NRG4: variants seen among roughly 807,000 people sequenced by gnomAD.
NRG4 encodes the protein pro-neuregulin-4, membrane-bound isoform.
A neutral mutation model predicts 15.0 loss-of-function variants in NRG4; 10 were observed. That is an observed-to-expected ratio of 0.67 (90% CI 0.41 to 1.13). The LOEUF is 1.13. Ranked by LOEUF, NRG4 falls within the 50% of genes most tolerant of loss-of-function variation. The pLI is 0.00. For missense variants in NRG4, 139 were observed against 140.2 expected, an observed-to-expected ratio of 0.99 and a Z score of 0.04; for synonymous variants, 41 against 50.1, an observed-to-expected ratio of 0.82 and a Z score of 0.77.
chr15:76,016,298 C>T (rs566189984), upstream of NRG4, among the ~76,000 whole-genome samples: 5,612 of 152,036 alleles, frequency 0.037, 178 homozygotes, highest in African/African-American at 0.085. Flanking sequence ...CTCCTGGATA[C>T]CATTGATTTT....
intron 5 of NRG4, among the ~76,000 whole-genome samples, chr15:75,946,303 T>C (rs1409671361): frequency 6.6e-6 from 1 of 152,236 alleles, no homozygotes; most frequent in Non-Finnish European, 1.5e-5. Context: ...GTCATTATTG[T>C]ACATTTACAT....
At chr15:76,031,801 GC>G (rs2141942397) in intron 5 of NRG4, among the ~76,000 whole-genome samples, 1 of 152,312 alleles carries the variant, frequency 6.6e-6, no homozygotes, top group Admixed American at 6.5e-5. Context: ...GTTGCAGTGA[GC>G]CAAGATCGTG....
chr15:75,953,644 A>C (rs2032043304), intron 5 of NRG4, among the ~76,000 whole-genome samples: 1 of 152,086 alleles, frequency 6.6e-6, no homozygotes, highest in Admixed American at 6.6e-5. Flanking sequence ...TCTGTCTGTA[A>C]TGTGTCTTTT....
chr15:76,018,340 A>G (rs1308443362), intron 5 of NRG4, among the ~76,000 whole-genome samples: 2 of 151,890 alleles, frequency 1.3e-5, no homozygotes, highest in African/African-American at 4.8e-5. Flanking sequence ...GATTTGTCAA[A>G]CTCATTCTCC....
intron 5 of NRG4, chr15:75,950,512 T>C: frequency 4.4e-6 from 1 of 229,882 alleles, no homozygotes; most frequent in Admixed American, 4.2e-5. Context: ...GTCTGGATCA[T>C]CCTCCTCATC....
chr15:76,057,215 T>TG (rs34020148), intron 1 of NRG4: 31,072 of 103,082 alleles, frequency 0.3, 3,904 homozygotes, highest in Non-Finnish European at 0.38. Context: ...AAGAATCACC[T>TG]GGGGCAGTTA....
chr15:75,956,754 A>T (rs891866944), intron 4 of NRG4, among the ~76,000 whole-genome samples: 2 of 152,192 alleles, frequency 1.3e-5, no homozygotes, highest in Non-Finnish European at 2.9e-5. Flanking sequence ...TAGTTACTAA[A>T]GTTCAAAAGG....
At chr15:75,955,781 G>T in intron 5 of NRG4, 151 bp downstream of exon 5, 1 of 489,416 alleles carries the variant, frequency 2.0e-6, no homozygotes, top group Non-Finnish European at 3.6e-6. Flanking sequence ...ATGTGAAAAA[G>T]GGTACCTGGC....
chr15:75,953,884 A>T (rs986531143), intron 5 of NRG4, among the ~76,000 whole-genome samples: 2 of 152,148 alleles, frequency 1.3e-5, no homozygotes, highest in Non-Finnish European at 2.9e-5. Context: ...ATGAGGTCTC[A>T]CTATGTTTCC....
intron 4 of NRG4, among the ~76,000 whole-genome samples, chr15:76,042,482 A>T (rs1425969249): frequency 6.6e-6 from 1 of 152,128 alleles, no homozygotes; most frequent in East Asian, 1.9e-4. Flanking sequence ...AGACATTACA[A>T]CCAATACTAC....
At position 75,977,436 on chromosome 15, in the gene NRG4, G is replaced by C. The variant is rs910661252; in HGVS notation, c.105-15462C>G. Among the ~76,000 whole-genome samples the C allele has an allele frequency of 2.6e-5, 4 of 152,156 alleles. No homozygotes were observed. Among genetic ancestry groups the C allele is most frequent in the Admixed American group, 6.5e-5 (1 of 15,282 alleles). On this transcript the variant is annotated intron_variant, in intron 3 of 5. Transcript: ENST00000394907. This position sits in a 1 kb window ranked among gnomAD's most constrained non-coding sequence, Gnocchi z 4.9. Reference sequence around the variant, plus strand: ...ACCCAGTTTTGTGCTTGAAATCCAGGGCCCTGGTGGTGTAGGCACCCGAGG... The same window carrying C: ...ACCCAGTTTTGTGCTTGAAATCCAGCGCCCTGGTGGTGTAGGCACCCGAGG...
intron 3 of NRG4, among the ~76,000 whole-genome samples, chr15:75,973,988 A>G (rs1487140413): frequency 6.6e-6 from 1 of 152,174 alleles, no homozygotes; most frequent in Non-Finnish European, 1.5e-5. Flanking sequence ...CTGTGAATTC[A>G]TCTGGTCCTG....
intron 1 of NRG4, 92 bp from the exon 2 acceptor site, chr15:76,011,378 A>G: frequency 1.6e-6 from 1 of 644,600 alleles, no homozygotes; most frequent in Non-Finnish European, 2.3e-6. Flanking sequence ...AATATTCTTA[A>G]ATGTTGAAAA....
chr15:76,032,288 C>T (rs904115490), intron 5 of NRG4, among the ~76,000 whole-genome samples: 1 of 152,040 alleles, frequency 6.6e-6, no homozygotes, highest in Non-Finnish European at 1.5e-5. Flanking sequence ...AGGCCTGACT[C>T]AGGGTACATC....
In NRG4 at chr15:75,942,348, AAAAGT is replaced by A. The variant is rs928845236; in HGVS notation, c.*1285_*1289del. 2.6e-5 allele frequency: 4 copies of A among 152,184 alleles called. No individual in the cohort carries two copies. The highest frequency in any genetic ancestry group is 4.8e-5 in the African/African-American group (2 of 41,428). The allele number at this position is 152,184 out of a possible 1,614,324, so 9.4% of individuals were successfully genotyped here. ...GATGACAGAGTGAGACTTTGTCTCA[AAAAGT>A]AAAGTAAAAATGTGTCAATATTGGT... On this transcript the variant is annotated 3_prime_UTR_variant, in exon 6 of 6. Transcript: ENST00000394907.
chr15:76,026,880 T>C (rs915000405), intron 5 of NRG4, among the ~76,000 whole-genome samples: 1 of 152,148 alleles, frequency 6.6e-6, no homozygotes, highest in Non-Finnish European at 1.5e-5. Context: ...CCCAGCACTT[T>C]GTGAGGCCAA....
At chr15:75,995,950 T>C (rs1228321514) in intron 3 of NRG4, among the ~76,000 whole-genome samples, 3 of 152,210 alleles carry the variant, frequency 2.0e-5, no homozygotes, top group Admixed American at 1.3e-4. Context: ...TGGAAATAAA[T>C]GCATCAGACT....
downstream of NRG4, chr15:75,939,050 G>A (rs1477597707): frequency 1.3e-5 from 2 of 151,956 alleles, no homozygotes; most frequent in Non-Finnish European, 2.9e-5. Context: ...GCTTGAGGGG[G>A]AAAAACATAC....
chr15:75,991,162 G>C (rs575832504), intron 3 of NRG4, among the ~76,000 whole-genome samples: 1 of 152,256 alleles, frequency 6.6e-6, no homozygotes, highest in Admixed American at 6.5e-5. Flanking sequence ...TCTGTGAAAG[G>C]AAAGGGCCAA....
Sources: gnomAD v4.1 joint callset for allele counts (sites outside exome capture counted in the v4.1 genomes callset) on GRCh38, gnomAD v4.1.1 for gene constraint, Gnocchi (gnomAD v3.1) non-coding constraint, MANE v1.5 for transcripts, NCBI Gene and HGNC (gene_info 2026-07-23, HGNC 2026-07-21) for gene names.